CHN2: variants seen among roughly 807,000 people sequenced by gnomAD.
CHN2 encodes the protein chimerin 2, also known as beta-chimaerin.
In CHN2, 35 loss-of-function variants were observed where a neutral mutation model predicts 56.3. The observed-to-expected ratio is 0.62, with a 90% CI of 0.47 to 0.82. CHN2 has a LOEUF of 0.82. Among genes scored for constraint, CHN2 ranks in the 40% least tolerant of loss-of-function variants. The pLI is 0.00. For synonymous variants in CHN2, 210 were observed against 212.8 expected (o/e 0.99, Z 0.12); for missense variants, 491 against 580.5 (o/e 0.85, Z 1.58).
chr7:29,303,932 C>T (rs1306154000), intron 1 of CHN2, among the ~76,000 whole-genome samples: 1 of 152,024 alleles, frequency 6.6e-6, no homozygotes, highest in East Asian at 1.9e-4. Context: ...TGGTGGCATG[C>T]GCCTGTAATC....
chr7:29,424,896 C>G (rs1192883418), intron 6 of CHN2, among the ~76,000 whole-genome samples: 2 of 152,156 alleles, frequency 1.3e-5, no homozygotes, highest in African/African-American at 4.8e-5. Context: ...AGGATTTTGT[C>G]TTTACATTAA....
intron 1 of CHN2, among the ~76,000 whole-genome samples, chr7:29,205,519 C>CATGA (rs1310751273): frequency 6.6e-6 from 1 of 152,188 alleles, no homozygotes; most frequent in Non-Finnish European, 1.5e-5. Context: ...AATCCCTGAT[C>CATGA]TCATAAAGCT....
intron 7 of CHN2, among the ~76,000 whole-genome samples, chr7:29,493,884 AT>A (rs1788934887): frequency 6.6e-6 from 1 of 152,226 alleles, no homozygotes; most frequent in Admixed American, 6.5e-5. Flanking sequence ...AAAAAAATCT[AT>A]GTGAAGTCCT....
At chr7:29,173,714 G>A (rs1043567046) in intron 2 of CHN2, among the ~76,000 whole-genome samples, 16 of 151,406 alleles carry the variant, frequency 1.1e-4, no homozygotes, top group African/African-American at 3.2e-4. Context: ...AGGCTGAGGC[G>A]GGCAGATCAC....
At chr7:29,342,576 A>G (rs1022438115) in intron 1 of CHN2, among the ~76,000 whole-genome samples, 11 of 152,222 alleles carry the variant, frequency 7.2e-5, no homozygotes, top group African/African-American at 2.7e-4. Context: ...ACCAAAAAAT[A>G]TATCATTATA....
At chr7:29,498,318 A>G (rs1789521369) in intron 8 of CHN2, among the ~76,000 whole-genome samples, 1 of 152,264 alleles carries the variant, frequency 6.6e-6, no homozygotes. Flanking sequence ...AGGATTCAAC[A>G]GGAAACCCAG....
intron 1 of CHN2, among the ~76,000 whole-genome samples, chr7:29,239,988 T>C (rs1787526034): frequency 6.6e-6 from 1 of 152,176 alleles, no homozygotes; most frequent in South Asian, 2.1e-4. Context: ...AACTCAAACA[T>C]TTTTTCAAGA....
chr7:29,234,055 G>C (rs963813672), intron 1 of CHN2, among the ~76,000 whole-genome samples: 22 of 150,336 alleles, frequency 1.5e-4, no homozygotes, highest in Non-Finnish European at 2.2e-4. Context: ...GGATGGTCTC[G>C]ATCTCCTGAC....
chr7:29,242,524 TCA>T (rs1174114027), intron 1 of CHN2, among the ~76,000 whole-genome samples: 1 of 152,138 alleles, frequency 6.6e-6, no homozygotes, highest in African/African-American at 2.4e-5. Flanking sequence ...AATGGGCTTC[TCA>T]GTTTTTTACG....
intron 3 of CHN2, among the ~76,000 whole-genome samples, chr7:29,369,120 T>C (rs1169391397): frequency 1.3e-5 from 2 of 152,214 alleles, no homozygotes; most frequent in African/African-American, 2.4e-5. Flanking sequence ...TAGGTAAATA[T>C]AAATTTTTGA....
intron 12 of CHN2, among the ~76,000 whole-genome samples, chr7:29,510,036 T>C (rs1791118716): frequency 6.6e-6 from 1 of 152,098 alleles, no homozygotes; most frequent in Non-Finnish European, 1.5e-5. Flanking sequence ...CCCTGTACTC[T>C]GTGTCCTGTT....
chr7:29,404,282 A>T (rs1002331631), intron 6 of CHN2, among the ~76,000 whole-genome samples: 5 of 152,200 alleles, frequency 3.3e-5, no homozygotes, highest in Admixed American at 2.6e-4. Context: ...GTATTTTCTT[A>T]AAAAGTATAC....
At chr7:29,467,431 G>C (rs930320037) in intron 6 of CHN2, among the ~76,000 whole-genome samples, 1 of 152,164 alleles carries the variant, frequency 6.6e-6, no homozygotes, top group African/African-American at 2.4e-5. Context: ...TTGTTGCATA[G>C]GGGAAAGAGC....
intron 7 of CHN2, among the ~76,000 whole-genome samples, chr7:29,494,632 C>G (rs1415824416): frequency 6.6e-6 from 1 of 152,044 alleles, no homozygotes; most frequent in East Asian, 1.9e-4. Context: ...AAAGCAGGAA[C>G]TATATAATAG....
At chr7:29,181,842 C>T (rs1179725532) in intron 2 of CHN2, among the ~76,000 whole-genome samples, 2 of 152,016 alleles carry the variant, frequency 1.3e-5, no homozygotes, top group Admixed American at 6.5e-5. Context: ...AATCAGGCTG[C>T]TAAACTGCTA....
intron 2 of CHN2, among the ~76,000 whole-genome samples, chr7:29,364,543 A>G (rs1798994766): frequency 6.6e-6 from 1 of 152,234 alleles, no homozygotes; most frequent in Admixed American, 6.5e-5. Context: ...GCTCATTAAC[A>G]GTAACATCCT....
chr7:29,504,916 T>G lies in CHN2; in HGVS notation c.991+95T>G, dbSNP rs940019447. Reference sequence around the variant, plus strand: ...CATAGTAGAAATGGGGTTTCAGAACTACTAAGAGTTGTTCTTCAAGAAACG... The same window carrying G: ...CATAGTAGAAATGGGGTTTCAGAACGACTAAGAGTTGTTCTTCAAGAAACG... On this transcript the variant is annotated intron_variant, in intron 10 of 12. Transcript: ENST00000222792. 3.7e-6 allele frequency: 3 copies of G among 805,616 alleles called. No individual in the cohort carries two copies. The African/African-American group carries it at 5.1e-5, about 14-fold the overall frequency. The allele number at this position is 805,616 out of a possible 1,614,324, so 49.9% of individuals were successfully genotyped here.
At chr7:29,147,209 G>C (rs1316521682) in intron 2 of CHN2, 8 of 519,666 alleles carry the variant, frequency 1.5e-5, no homozygotes, top group Admixed American at 3.5e-5. Flanking sequence ...AAAAAGGCAA[G>C]GAGGTTGCAA....
At chr7:29,268,635 T>C (rs374724616) in intron 1 of CHN2, among the ~76,000 whole-genome samples, 1 of 152,192 alleles carries the variant, frequency 6.6e-6, no homozygotes, top group African/African-American at 2.4e-5. Context: ...AATTGACAGC[T>C]GCCAGCTTGT....
Sources: gnomAD v4.1 joint callset for allele counts (sites outside exome capture counted in the v4.1 genomes callset) on GRCh38, gnomAD v4.1.1 for gene constraint, MANE v1.5 for transcripts, NCBI Gene and HGNC (gene_info 2026-07-23, HGNC 2026-07-21) for gene names.